Variants in CRHR1 observed in about 807,000 individuals in gnomAD.
CRHR1 encodes the protein corticotropin releasing hormone receptor 1, also known as corticotropin-releasing hormone receptor 1.
A neutral mutation model predicts 56.0 loss-of-function variants in CRHR1; 28 were observed. The ratio of observed to expected loss-of-function variants is 0.50; its 90% CI spans 0.37 to 0.69. The LOEUF (loss-of-function observed/expected upper bound fraction) is 0.69, where lower values mean the gene tolerates loss of function less well. Ranked by LOEUF, CRHR1 falls within the 30% of genes least tolerant of loss-of-function variation. The pLI is 0.00. For synonymous variants in CRHR1, 195 were observed against 216.5 expected (o/e 0.90, Z 0.87); for missense variants, 376 against 548.0 (o/e 0.69, Z 3.13).
At chr17:45,788,374 C>T (rs1371061317) in intron 1 of CRHR1, among the ~76,000 whole-genome samples, 1 of 152,164 alleles carries the variant, frequency 6.6e-6, no homozygotes, top group Non-Finnish European at 1.5e-5. Context: ...TCTCATGTCT[C>T]TGTGAAAGGT....
chr17:45,829,375 AG>A (rs2062240988), intron 5 of CRHR1, 54 bp downstream of exon 5: 1 of 1,519,466 alleles, frequency 6.6e-7, no homozygotes, highest in Non-Finnish European at 9.1e-7. Flanking sequence ...GAGCAGAAGC[AG>A]GGTGGAGAAG....
intron 4 of CRHR1, among the ~76,000 whole-genome samples, chr17:45,822,361 A>G (rs62057118): frequency 0.14 from 21,821 of 152,206 alleles, 2,137 homozygotes; most frequent in Non-Finnish European, 0.22. Flanking sequence ...TGGAGCTGCT[A>G]CTGCCCTCGG....
chr17:45,821,353 A>G lies in CRHR1; in HGVS notation c.242-2A>G. The G allele has an allele frequency of 6.2e-7, 1 of 1,613,480 alleles. No homozygotes were observed. Among genetic ancestry groups the G allele is most frequent in the Non-Finnish European group, 8.5e-7 (1 of 1,179,972 alleles). The stretch of plus-strand genomic sequence containing the variant: ...ATCACTGCCTCTCTCTTCCTTTTCC[A>G]GACAATGGCTACCGGGAGTGCCTGG... On this transcript the variant is annotated splice_acceptor_variant, in intron 3 of 12. Transcript: ENST00000314537. LOFTEE classifies it high-confidence loss of function.
chr17:45,829,659 C>T, intron 5 of CRHR1: 1 of 1,550,250 alleles, frequency 6.5e-7, no homozygotes. Flanking sequence ...TACCTGGGCC[C>T]CAGCACTACC....
At chr17:45,808,067 C>T (rs775400304) in intron 2 of CRHR1, among the ~76,000 whole-genome samples, 4 of 152,206 alleles carry the variant, frequency 2.6e-5, no homozygotes, top group Non-Finnish European at 5.9e-5. Context: ...CTTCAAGCCT[C>T]TCCTTGATTC....
At position 45,793,638 on chromosome 17, in the gene CRHR1, T is replaced by C. The variant is rs556897372; in HGVS notation, c.33+9061T>C. On this transcript the variant is annotated intron_variant, in intron 1 of 12. Coordinates refer to ENST00000314537, the MANE Select transcript of CRHR1 (RefSeq NM_004382.5). The stretch of plus-strand genomic sequence containing the variant: ...GCAGCCTGGGGCGTCTTTTCTCTCC[T>C]GATGGCTGGGGCCTCATGGCCTGAC... Among the ~76,000 whole-genome samples, 11 of 152,214 alleles carry C rather than the reference T, an allele frequency of 7.2e-5. No individual in the cohort carries two copies. The East Asian group carries it at 2.1e-3, about 30-fold the overall frequency.
At chr17:45,809,500 A>C (rs1191096232) in intron 2 of CRHR1, among the ~76,000 whole-genome samples, 1 of 152,204 alleles carries the variant, frequency 6.6e-6, no homozygotes, top group East Asian at 1.9e-4. Context: ...GGCCATGATG[A>C]ATAGTGTTCA....
chr17:45,829,235 C>T lies in CRHR1; in HGVS notation c.348C>T (p.Tyr116=), dbSNP rs1183773876. The T allele has an allele frequency of 6.2e-7, 1 of 1,614,012 alleles. No individual in the cohort carries two copies. The highest frequency in any genetic ancestry group is 2.2e-5 in the East Asian group (1 of 44,882). The change falls in exon 5 of 13, where the codon TAC becomes TAT. Residue 116 remains tyrosine (Y), a synonymous_variant. Coordinates refer to ENST00000314537, the MANE Select transcript of CRHR1 (RefSeq NM_004382.5). ...LNEEKKSKVH[Y]HVAVIINYLG... ...TCCAGAAAAAAAGCAAGGTGCACTA[C>T]CATGTCGCAGTCATCATCAACTACC...
chr17:45,803,758 G>A (rs931579181), intron 1 of CRHR1, among the ~76,000 whole-genome samples: 2 of 20,062 alleles, frequency 1.0e-4, no homozygotes, highest in African/African-American at 1.7e-4. Flanking sequence ...GAGAGAGTGC[G>A]TGTGTGTGTG....
At chr17:45,834,484 T>TATG in intron 12 of CRHR1, 140 bp from the exon 13 acceptor site, 1 of 893,292 alleles carries the variant, frequency 1.1e-6, no homozygotes, top group Non-Finnish European at 1.6e-6. Flanking sequence ...AGGCTGTGAG[T>TATG]GTCATCCCCT....
intron 1 of CRHR1, among the ~76,000 whole-genome samples, chr17:45,786,776 G>T (rs2146246936): frequency 6.6e-6 from 1 of 151,880 alleles, no homozygotes; most frequent in Non-Finnish European, 1.5e-5. Context: ...GAATAGCTGG[G>T]ACCACAGGCA....
At chr17:45,794,696 G>A (rs942090982) in intron 1 of CRHR1, among the ~76,000 whole-genome samples, 2 of 152,234 alleles carry the variant, frequency 1.3e-5, no homozygotes, top group African/African-American at 4.8e-5. Flanking sequence ...GGTGAGCTGA[G>A]GACCCATGAT....
intron 4 of CRHR1, 113 bp from the exon 5 acceptor site, chr17:45,829,102 G>T (rs1331761821): frequency 9.3e-6 from 7 of 753,198 alleles, no homozygotes; most frequent in South Asian, 6.6e-5. Context: ...CAGGAAGGGG[G>T]AGTGGCCCTT....
intron 11 of CRHR1, 55 bp downstream of exon 11, chr17:45,833,904 A>C: frequency 6.2e-7 from 1 of 1,612,520 alleles, no homozygotes; most frequent in African/African-American, 1.3e-5. Context: ...TCTGCCAAGC[A>C]GAGGCCTGGA....
At chr17:45,792,545 A>G (rs966710540) in intron 1 of CRHR1, among the ~76,000 whole-genome samples, 3 of 152,122 alleles carry the variant, frequency 2.0e-5, no homozygotes, top group African/African-American at 7.2e-5. Context: ...ATATACATAT[A>G]TGACACTTCT....
chr17:45,817,118 G>A (rs2061944577), intron 3 of CRHR1, among the ~76,000 whole-genome samples: 2 of 147,354 alleles, frequency 1.4e-5, no homozygotes, highest in South Asian at 4.2e-4. Context: ...GGTGGAGTGG[G>A]GCAGGACGGG....
At chr17:45,808,607 A>C (rs570077658) in intron 2 of CRHR1, among the ~76,000 whole-genome samples, 23 of 152,136 alleles carry the variant, frequency 1.5e-4, no homozygotes, top group Non-Finnish European at 2.8e-4. Context: ...TAAACTGTAG[A>C]GTGTCATGCC....
intron 1 of CRHR1, among the ~76,000 whole-genome samples, chr17:45,798,505 G>A (rs1236980462): frequency 2.0e-5 from 3 of 149,114 alleles, no homozygotes; most frequent in East Asian, 3.9e-4. Flanking sequence ...CAGCCTGGGC[G>A]ACAAGGCGAG....
At chr17:45,824,637 C>G (rs991338514) in intron 4 of CRHR1, among the ~76,000 whole-genome samples, 1 of 152,314 alleles carries the variant, frequency 6.6e-6, no homozygotes, top group South Asian at 2.1e-4. Flanking sequence ...ATCGGGAGCC[C>G]GGTCTCATCA....
Sources: allele counts gnomAD v4.1 joint callset (sites outside exome capture counted in the v4.1 genomes callset), GRCh38; gene constraint gnomAD v4.1.1; transcripts MANE v1.5; gene names NCBI Gene and HGNC (gene_info 2026-07-23, HGNC 2026-07-21).